The following ARHGAP20 variants were observed in gnomAD, a reference collection of about 807,000 sequenced individuals.
The protein encoded by ARHGAP20 is rho GTPase-activating protein 20.
ARHGAP20 carries 34 observed loss-of-function variants against 73.7 expected under a neutral mutation model. The ratio of observed to expected loss-of-function variants is 0.46; its 90% CI spans 0.35 to 0.61. The LOEUF (loss-of-function observed/expected upper bound fraction) is 0.61, where lower values mean the gene tolerates loss of function less well. Among genes scored for constraint, ARHGAP20 ranks in the 20% least tolerant of loss-of-function variants. ARHGAP20 has a pLI of 0.00. For missense variants in ARHGAP20, 1,314 were observed against 1,420.9 expected (o/e 0.92, Z 1.21); for synonymous variants, 523 against 518.2 (o/e 1.01, Z -0.13).
intron 5 of ARHGAP20, 127 bp downstream of exon 5, chr11:110,615,426 A>G (rs1055075213): frequency 2.6e-6 from 2 of 779,454 alleles, no homozygotes; most frequent in Admixed American, 5.7e-5. Context: ...ACGGCAGCTT[A>G]TTTAGAGGTC....
intron 8 of ARHGAP20, among the ~76,000 whole-genome samples, chr11:110,608,005 A>C (rs1196794124): frequency 6.6e-6 from 1 of 152,182 alleles, no homozygotes; most frequent in African/African-American, 2.4e-5. Flanking sequence ...AAACACAGTC[A>C]ATTTTGTCTT....
At chr11:110,696,528 A>G (rs1950339082) in intron 1 of ARHGAP20, among the ~76,000 whole-genome samples, 1 of 151,634 alleles carries the variant, frequency 6.6e-6, no homozygotes, top group African/African-American at 2.4e-5. Flanking sequence ...CAGAGATCTG[A>G]GGAATTTGCC....
At chr11:110,660,044 T>TA (rs1226452732) in intron 2 of ARHGAP20, among the ~76,000 whole-genome samples, 1 of 100,292 alleles carries the variant, frequency 1.0e-5, no homozygotes, top group Non-Finnish European at 2.0e-5. Context: ...CCCTAAAACT[T>TA]AAAGTATAAT....
chr11:110,610,147 A>G (rs1948332412), intron 7 of ARHGAP20, among the ~76,000 whole-genome samples: 1 of 152,128 alleles, frequency 6.6e-6, no homozygotes, highest in African/African-American at 2.4e-5. Context: ...ATACTCATAT[A>G]GCTTAGAAAT....
At position 110,712,142 on chromosome 11, in the gene ARHGAP20, G is replaced by C; in HGVS notation, c.90C>G (p.Gly30=). The C allele has an allele frequency of 7.4e-7, 1 of 1,358,412 alleles. No homozygotes were observed. The highest frequency in any genetic ancestry group is 9.5e-7 in the Non-Finnish European group (1 of 1,050,404). The allele number at this position is 1,358,412 out of a possible 1,614,324, so 84.1% of individuals were successfully genotyped here. The change falls in exon 1 of 15, where the codon GGC becomes GGG. Residue 30 remains glycine (G), a synonymous_variant. Coordinates refer to ENST00000683387, the MANE Select transcript of ARHGAP20 (RefSeq NM_001384657.1). ...GCGTCCTCACCTTCTTGGTGCAGCTGCCTCCCGCGAGCCGAGACACTCCTG... is the reference window on the plus strand; with the variant it reads ...GCGTCCTCACCTTCTTGGTGCAGCTCCCTCCCGCGAGCCGAGACACTCCTG... The part of the protein sequence containing the change: ...SLTGVSRLAG[G]SCTKKKMKTL...
intron 2 of ARHGAP20, among the ~76,000 whole-genome samples, chr11:110,662,226 G>A (rs562725418): frequency 2.0e-4 from 30 of 151,778 alleles, no homozygotes; most frequent in South Asian, 4.2e-4. Context: ...CAGTATTGAG[G>A]AGACAGAAAT....
At chr11:110,666,838 A>T (rs1014945858) in intron 2 of ARHGAP20, among the ~76,000 whole-genome samples, 1 of 152,240 alleles carries the variant, frequency 6.6e-6, no homozygotes, top group Non-Finnish European at 1.5e-5. Flanking sequence ...TAAGAACGTG[A>T]TATAGCCTTA....
In ARHGAP20 at chr11:110,691,366, TA is replaced by T. The variant is rs374090503; in HGVS notation, c.106-738del. 7.2e-3 allele frequency among the ~76,000 whole-genome samples: 1,090 copies of T among 152,198 alleles called. 15 individuals are homozygous for T. Among genetic ancestry groups the T allele is most frequent in the African/African-American group, 0.025 (1,038 of 41,510 alleles). ...AAGCAGATGAGTAAAATTAACCATA[TA>T]TAGTCACAAACAGCCATGAGCGAAG... On this transcript the variant is annotated intron_variant, in intron 1 of 14. Coordinates refer to ENST00000683387, the MANE Select transcript of ARHGAP20 (RefSeq NM_001384657.1).
At chr11:110,670,139 G>T (rs1474397502) in intron 2 of ARHGAP20, among the ~76,000 whole-genome samples, 2 of 151,998 alleles carry the variant, frequency 1.3e-5, no homozygotes. Context: ...TCATTATCTT[G>T]ATCATAATGT....
intron 4 of ARHGAP20, among the ~76,000 whole-genome samples, chr11:110,618,622 AGAGTATAT>A (rs1948541156): frequency 1.3e-5 from 2 of 152,350 alleles, no homozygotes; most frequent in African/African-American, 4.8e-5. Flanking sequence ...ATGCAGTGAT[AGAGTATAT>A]GCAGTGATAG....
intron 1 of ARHGAP20, among the ~76,000 whole-genome samples, chr11:110,698,439 C>T (rs932084829): frequency 4.6e-5 from 7 of 151,676 alleles, no homozygotes; most frequent in Non-Finnish European, 1.0e-4. Context: ...TTTCATAGAA[C>T]GAGTTAGGAA....
chr11:110,701,900 C>T (rs1484191335), intron 1 of ARHGAP20, among the ~76,000 whole-genome samples: 4 of 152,034 alleles, frequency 2.6e-5, no homozygotes, highest in Admixed American at 2.0e-4. Context: ...TGTAGATATG[C>T]GGCGTTATTT....
chr11:110,592,107 G>A lies in ARHGAP20; in HGVS notation c.1013C>T (p.Ala338Val). The change falls in exon 10 of 15, where the codon GCC becomes GTC. Residue 338 changes from alanine (A) to valine (V), a missense_variant. Coordinates refer to ENST00000683387, the MANE Select transcript of ARHGAP20 (RefSeq NM_001384657.1). ...FKRRRSIINW[A>V]FWRGSSTHLD... ...GTGAGTGCTAGAACCTCGCCAGAAG[G>A]CCCAGTTTATGATAGATCTTCTCCT... The A allele has an allele frequency of 6.2e-7, 1 of 1,614,114 alleles. No individual in the cohort carries two copies. The highest frequency in any genetic ancestry group is 8.5e-7 in the Non-Finnish European group (1 of 1,179,972).
At chr11:110,609,258 A>G (rs1306113888) in intron 7 of ARHGAP20, among the ~76,000 whole-genome samples, 1 of 152,122 alleles carries the variant, frequency 6.6e-6, no homozygotes, top group Non-Finnish European at 1.5e-5. Flanking sequence ...TTATAAAGGA[A>G]AAACAATCTT....
intron 2 of ARHGAP20, among the ~76,000 whole-genome samples, chr11:110,654,742 C>T (rs1428426727): frequency 6.6e-6 from 1 of 152,200 alleles, no homozygotes; most frequent in Non-Finnish European, 1.5e-5. Context: ...AAGGTCCTTC[C>T]TCTGAACATT....
In ARHGAP20 at chr11:110,690,999, C is replaced by A. The variant is rs766108131; in HGVS notation, c.106-370G>T. On this transcript the variant is annotated intron_variant, in intron 1 of 14. Transcript: ENST00000683387. ...TATTTATTATAATCCAAAATGTCAT[C>A]CGGGTAGATACTACTATCTTTATTT... 10 of 1,526,610 alleles carry A rather than the reference C, an allele frequency of 6.6e-6. No individual in the cohort carries two copies. In the South Asian group the frequency reaches 9.7e-5, roughly 15 times the overall value. The allele number at this position is 1,526,610 out of a possible 1,614,324, so 94.6% of individuals were successfully genotyped here.
chr11:110,656,278 GC>G, intron 2 of ARHGAP20, among the ~76,000 whole-genome samples: 1 of 152,180 alleles, frequency 6.6e-6, no homozygotes, highest in South Asian at 2.1e-4. Context: ...CTTAGGCTAA[GC>G]CTGTGTACCT....
intron 14 of ARHGAP20, 139 bp downstream of exon 14, chr11:110,582,182 G>T: frequency 1.4e-6 from 1 of 711,888 alleles, no homozygotes; most frequent in South Asian, 1.5e-5. Context: ...GGATCAAAAA[G>T]CCCTGGGCCC....
chr11:110,602,149 G>C (rs1026123656), intron 9 of ARHGAP20, among the ~76,000 whole-genome samples: 4 of 152,108 alleles, frequency 2.6e-5, no homozygotes, highest in African/African-American at 7.2e-5. Context: ...GCTGCTCAGG[G>C]CACTACAAAT....
Sources: allele counts gnomAD v4.1 joint callset (sites outside exome capture counted in the v4.1 genomes callset), GRCh38; gene constraint gnomAD v4.1.1; transcripts MANE v1.5; gene names NCBI Gene and HGNC (gene_info 2026-07-23, HGNC 2026-07-21).